FHIT: variants seen among roughly 807,000 people sequenced by gnomAD.
FHIT encodes bis(5'-adenosyl)-triphosphatase.
A neutral mutation model predicts 17.9 loss-of-function variants in FHIT; 19 were observed. That is an observed-to-expected ratio of 1.06 (90% CI 0.74 to 1.56). FHIT has a LOEUF of 1.56. FHIT is among the 40% of genes most tolerant of loss of function. The probability of loss-of-function intolerance (pLI) is 0.00; values close to 1 mark genes in which losing one functional copy is unlikely to be tolerated. For missense variants in FHIT, 248 were observed against 189.2 expected (o/e 1.31, Z -1.82); for synonymous variants, 81 against 69.7 (o/e 1.16, Z -0.81).
In FHIT at chr3:60,821,953, G is replaced by A. The variant is rs1260334867; in HGVS notation, c.-52C>T. On this transcript the variant is annotated 5_prime_UTR_variant, in exon 4 of 10. Coordinates refer to ENST00000492590, the MANE Select transcript of FHIT (RefSeq NM_002012.4). ...GACTGCTACCTCTTCGGAGTCCTCA[G>A]TGGCAGGATGCACAGAGCTTTTATA... 1 of 152,104 alleles carries A rather than the reference G, an allele frequency of 6.6e-6. No homozygotes were observed. The highest frequency in any genetic ancestry group is 1.5e-5 in the Non-Finnish European group (1 of 68,014). 9.4% of individuals were successfully genotyped at this position (152,104 alleles called of 1,614,324 possible).
At chr3:60,026,662 T>A (rs1236002597) in intron 5 of FHIT, among the ~76,000 whole-genome samples, 1 of 152,154 alleles carries the variant, frequency 6.6e-6, no homozygotes, top group East Asian at 1.9e-4. Flanking sequence ...ATAAAAAAAA[T>A]CTCAAAATGT....
At chr3:60,834,485 A>G (rs1216056963) in intron 3 of FHIT, among the ~76,000 whole-genome samples, 1 of 140,542 alleles carries the variant, frequency 7.1e-6, no homozygotes, top group African/African-American at 2.5e-5. Flanking sequence ...TTCTTTATAT[A>G]TTCTAAATAC....
At chr3:61,170,678 T>C (rs1398032943) in intron 2 of FHIT, among the ~76,000 whole-genome samples, 2 of 152,200 alleles carry the variant, frequency 1.3e-5, no homozygotes, top group East Asian at 1.9e-4. Context: ...TCCATCTCCA[T>C]CCGTGTTCCT....
chr3:60,923,708 G>T (rs1211341815), intron 3 of FHIT, among the ~76,000 whole-genome samples: 2 of 152,034 alleles, frequency 1.3e-5, no homozygotes, highest in Non-Finnish European at 2.9e-5. Context: ...TCGGACAGTG[G>T]GTGCAGGATA....
intron 3 of FHIT, among the ~76,000 whole-genome samples, chr3:60,961,856 G>A (rs1709465142): frequency 6.6e-6 from 1 of 152,196 alleles, no homozygotes; most frequent in Non-Finnish European, 1.5e-5. Context: ...TTGAAGTCAA[G>A]TAGCGTGATG....
chr3:61,096,997 C>T (rs960020321), intron 2 of FHIT, among the ~76,000 whole-genome samples: 1 of 147,088 alleles, frequency 6.8e-6, no homozygotes, highest in Non-Finnish European at 1.5e-5. Context: ...GAGAATCGAT[C>T]AAACCTGGGA....
At chr3:60,874,362 G>A (rs139017083) in intron 3 of FHIT, among the ~76,000 whole-genome samples, 1 of 152,152 alleles carries the variant, frequency 6.6e-6, no homozygotes, top group African/African-American at 2.4e-5. Flanking sequence ...TTGGTCTAAA[G>A]AGTCTCTTGG....
intron 4 of FHIT, among the ~76,000 whole-genome samples, chr3:60,622,351 A>G (rs1286853020): frequency 6.6e-6 from 1 of 151,610 alleles, no homozygotes; most frequent in African/African-American, 2.4e-5. Flanking sequence ...GGATTTTTTG[A>G]AACGTACAAA....
intron 4 of FHIT, among the ~76,000 whole-genome samples, chr3:60,630,894 A>G (rs1026057608): frequency 6.6e-5 from 10 of 151,510 alleles, no homozygotes; most frequent in African/African-American, 2.2e-4. Context: ...TTTTTGGAAA[A>G]TAGCCACATG....
chr3:60,192,198 C>T (rs1210002364), intron 5 of FHIT, among the ~76,000 whole-genome samples: 1 of 147,086 alleles, frequency 6.8e-6, no homozygotes, highest in Non-Finnish European at 1.5e-5. Flanking sequence ...TTGCAGTGAG[C>T]TGAGTTCACG....
intron 5 of FHIT, among the ~76,000 whole-genome samples, chr3:60,279,285 T>C (rs1337204170): frequency 1.3e-5 from 2 of 152,022 alleles, no homozygotes; most frequent in Non-Finnish European, 1.5e-5. Flanking sequence ...TTTGATAACT[T>C]AGATAAACAG....
intron 4 of FHIT, among the ~76,000 whole-genome samples, chr3:60,666,510 T>C (rs1553692480): frequency 6.6e-6 from 1 of 152,188 alleles, no homozygotes; most frequent in Non-Finnish European, 1.5e-5. Flanking sequence ...GCTTTCAAGA[T>C]TTCTTCAGTA....
chr3:60,971,286 C>T (rs1278889772), intron 3 of FHIT, among the ~76,000 whole-genome samples: 2 of 152,298 alleles, frequency 1.3e-5, no homozygotes, highest in Middle Eastern at 3.4e-3. Context: ...AGGAGAATCA[C>T]TTGAACCCGG....
intron 1 of FHIT, among the ~76,000 whole-genome samples, chr3:61,219,874 C>T (rs750890864): frequency 1.3e-5 from 2 of 152,112 alleles, no homozygotes; most frequent in Non-Finnish European, 2.9e-5. Context: ...AATATCTTTC[C>T]GAAATATAGA....
At chr3:59,987,323 G>T (rs1709029745) in intron 7 of FHIT, among the ~76,000 whole-genome samples, 1 of 151,732 alleles carries the variant, frequency 6.6e-6, no homozygotes, top group Admixed American at 6.6e-5. Flanking sequence ...GCTTGGCTGT[G>T]AACACGGTTA....
chr3:60,471,389 T>C (rs182639506), intron 5 of FHIT, among the ~76,000 whole-genome samples: 87 of 152,312 alleles, frequency 5.7e-4, no homozygotes, highest in African/African-American at 1.6e-3. Context: ...GTTCTGACCA[T>C]TGGCATGGAC....
intron 7 of FHIT, among the ~76,000 whole-genome samples, chr3:59,942,836 A>G (rs1706595790): frequency 6.6e-6 from 1 of 151,860 alleles, no homozygotes; most frequent in Non-Finnish European, 1.5e-5. Context: ...ATTTGTACAG[A>G]CAGAGTCTCA....
chr3:59,752,038 G>T, intron 9 of FHIT, 183 bp downstream of exon 9: 1 of 490,618 alleles, frequency 2.0e-6, no homozygotes, highest in Non-Finnish European at 3.6e-6. Context: ...AGTTGGAAGA[G>T]ACTGGGAGGC....
chr3:59,972,732 G>C (rs1708242351), intron 7 of FHIT, among the ~76,000 whole-genome samples: 1 of 152,222 alleles, frequency 6.6e-6, no homozygotes, highest in Non-Finnish European at 1.5e-5. Context: ...CCCTAGTTTA[G>C]CTCACTGAGT....
Sources: allele counts gnomAD v4.1 joint callset (sites outside exome capture counted in the v4.1 genomes callset), GRCh38; gene constraint gnomAD v4.1.1; transcripts MANE v1.5; gene names NCBI Gene and HGNC (gene_info 2026-07-23, HGNC 2026-07-21).